NIPSNAP3B: variants seen among roughly 807,000 people sequenced by gnomAD.
NIPSNAP3B encodes the protein nipsnap homolog 3B.
A neutral mutation model predicts 31.5 loss-of-function variants in NIPSNAP3B; 30 were observed. The observed-to-expected ratio is 0.95, with a 90% confidence interval of 0.71 to 1.29. The LOEUF (loss-of-function observed/expected upper bound fraction) is 1.29. Ranked by LOEUF, NIPSNAP3B falls within the 50% of genes most tolerant of loss-of-function variation. The pLI is 0.00. For missense variants in NIPSNAP3B, 269 were observed against 300.7 expected (o/e 0.89, Z 0.78); for synonymous variants, 106 against 107.9 (o/e 0.98, Z 0.11).
the NIPSNAP3B span, chr9:104,788,029 A>G: frequency 1.2e-6 from 2 of 1,614,052 alleles, no homozygotes; most frequent in Non-Finnish European, 8.5e-7. Context: ...CACGAGGCCC[A>G]GTTTCCGAAT....
rs772256051 is a variant in NIPSNAP3B, at chr9:104,776,575, C to A, written c.*3502C>A. On this transcript the variant is annotated 3_prime_UTR_variant, in exon 6 of 6. Transcript: ENST00000374762. ...CACCAGAACTTCTTCATGCTGGCAC[C>A]CTGGTCTTAGACTTCCCAGCCACTA... Among the ~76,000 whole-genome samples the A allele has an allele frequency of 3.9e-5, 6 of 152,042 alleles. No individual in the cohort carries two copies. Among genetic ancestry groups the A allele is most frequent in the South Asian group, 4.2e-4 (2 of 4,814 alleles).
the NIPSNAP3B span, chr9:104,787,792 A>G: frequency 6.3e-7 from 1 of 1,596,820 alleles, no homozygotes; most frequent in Non-Finnish European, 8.5e-7. Flanking sequence ...TGCTTTTCCA[A>G]GGTTGCTCTG....
In NIPSNAP3B at chr9:104,776,443, T is replaced by C. The variant is rs1322984147; in HGVS notation, c.*3370T>C. ...AAGCCTTAATCTCAACATAGGAGGTTTGGCCTTTGTGAGTTAGTTTTAGAT... is the reference window on the plus strand; with the variant it reads ...AAGCCTTAATCTCAACATAGGAGGTCTGGCCTTTGTGAGTTAGTTTTAGAT... On this transcript the variant is annotated 3_prime_UTR_variant, in exon 6 of 6. Transcript: ENST00000374762. Among the ~76,000 whole-genome samples the C allele has an allele frequency of 6.6e-6, 1 of 152,176 alleles. No homozygotes were observed. Among genetic ancestry groups the C allele is most frequent in the Non-Finnish European group, 1.5e-5 (1 of 68,016 alleles).
At chr9:104,786,654 A>T in the NIPSNAP3B span, among the ~76,000 whole-genome samples, 1 of 152,226 alleles carries the variant, frequency 6.6e-6, no homozygotes, top group Non-Finnish European at 1.5e-5. Context: ...ATGACACCTA[A>T]ATGCACTGAC....
downstream of NIPSNAP3B, among the ~76,000 whole-genome samples, chr9:104,780,688 A>G (rs1828481274): frequency 6.6e-6 from 1 of 152,224 alleles, no homozygotes; most frequent in African/African-American, 2.4e-5. Context: ...CCCCTATACC[A>G]AGTGAACATT....
At chr9:104,783,206 G>C in the NIPSNAP3B span, 2 of 152,164 alleles carry the variant, frequency 1.3e-5, no homozygotes, top group Non-Finnish European at 1.5e-5. Flanking sequence ...CTATACCACA[G>C]GGTTCTACAA....
downstream of NIPSNAP3B, among the ~76,000 whole-genome samples, chr9:104,778,942 G>GCTAT (rs1281459602): frequency 6.6e-6 from 1 of 152,136 alleles, no homozygotes. Flanking sequence ...TGTGGTCCCT[G>GCTAT]CTATCTCTCC....
At chr9:104,778,963 C>T (rs1202584624), downstream of NIPSNAP3B, among the ~76,000 whole-genome samples, 1 of 152,166 alleles carries the variant, frequency 6.6e-6, no homozygotes, top group Non-Finnish European at 1.5e-5. Flanking sequence ...AGTTCCACCC[C>T]CTGCCACTCT....
the NIPSNAP3B span, chr9:104,784,596 T>C: frequency 2.9e-6 from 3 of 1,022,206 alleles, no homozygotes; most frequent in Middle Eastern, 3.1e-4. Context: ...GAAAACTGTG[T>C]GTGAAGGAGG....
At chr9:104,790,191 T>C in the NIPSNAP3B span, among the ~76,000 whole-genome samples, 3 of 151,974 alleles carry the variant, frequency 2.0e-5, no homozygotes, top group African/African-American at 4.8e-5. Context: ...TTCCCAAAGA[T>C]CAGATTGCTT....
At chr9:104,764,400 C>G (rs1382070139) in intron 1 of NIPSNAP3B, 100 bp downstream of exon 1, 1 of 1,074,042 alleles carries the variant, frequency 9.3e-7, no homozygotes, top group Non-Finnish European at 1.3e-6. Flanking sequence ...GCTCCCAGAC[C>G]TGGGGCCCCG....
In NIPSNAP3B at chr9:104,768,949, C is replaced by T. The variant is rs2118789726; in HGVS notation, c.358C>T (p.Arg120Cys). 6.2e-7 allele frequency: 1 copy of T among 1,613,818 alleles called. No individual in the cohort carries two copies. The highest frequency in any genetic ancestry group is 8.5e-7 in the Non-Finnish European group (1 of 1,179,822). Residue 120 changes from arginine to cysteine, a missense_variant, in exon 3 of 6, where the codon CGC becomes TGC. Transcript: ENST00000374762. ...QEQSIIPNLA[R>C]IDKQETEITY... Reference sequence around the variant, plus strand: ...ACAATCTATCATTCCAAATTTGGCTCGCATTGATAAACAAGAGACGGAAAT... The same window carrying T: ...ACAATCTATCATTCCAAATTTGGCTTGCATTGATAAACAAGAGACGGAAAT...
the NIPSNAP3B span, chr9:104,783,677 G>C: frequency 1.3e-5 from 2 of 153,090 alleles, no homozygotes; most frequent in African/African-American, 2.4e-5. Context: ...TTATCAGAGG[G>C]AATCAAAGCA....
At chr9:104,786,369 A>C in the NIPSNAP3B span, 3 of 1,614,146 alleles carry the variant, frequency 1.9e-6, no homozygotes, top group Admixed American at 5.0e-5. Flanking sequence ...TCCTAGTGCA[A>C]AGAGCTTCAC....
At chr9:104,790,860 T>G in the NIPSNAP3B span, 4 of 1,172,752 alleles carry the variant, frequency 3.4e-6, no homozygotes, top group Non-Finnish European at 5.1e-6. Flanking sequence ...TAACAACCTA[T>G]TTCTTTAAAT....
At position 104,774,535 on chromosome 9, in the gene NIPSNAP3B, T is replaced by C. The variant is rs1828293183; in HGVS notation, c.*1462T>C. Among the ~76,000 whole-genome samples the C allele has an allele frequency of 6.6e-6, 1 of 152,238 alleles. No individual in the cohort carries two copies. The highest frequency in any genetic ancestry group is 6.5e-5 in the Admixed American group (1 of 15,286). On this transcript the variant is annotated 3_prime_UTR_variant, in exon 6 of 6. Coordinates refer to ENST00000374762, the MANE Select transcript of NIPSNAP3B (RefSeq NM_018376.4). ...ACATTTAATATTTTGCTTCAGACTG[T>C]TATAGTACCTTAGGGTTATGAACAT...
intron 1 of NIPSNAP3B, 35 bp downstream of exon 1, chr9:104,764,335 G>A (rs1444634853): frequency 3.3e-6 from 5 of 1,493,724 alleles, no homozygotes; most frequent in East Asian, 2.5e-5. Context: ...AGCCCTGGCC[G>A]GAGGGGAGGG....
At chr9:104,772,172 A>T (rs1828234752) in intron 4 of NIPSNAP3B, among the ~76,000 whole-genome samples, 1 of 148,540 alleles carries the variant, frequency 6.7e-6, no homozygotes, top group Non-Finnish European at 1.5e-5. Context: ...CCCATTCTGG[A>T]GGTTGTCTGT....
the NIPSNAP3B span, chr9:104,788,100 T>G: frequency 8.8e-5 from 139 of 1,584,624 alleles, 1 homozygote; most frequent in Non-Finnish European, 1.2e-4. Flanking sequence ...CTTGGGAATT[T>G]TATCATGCTG....
Sources: gnomAD v4.1 joint callset for allele counts (sites outside exome capture counted in the v4.1 genomes callset) on GRCh38, gnomAD v4.1.1 for gene constraint, MANE v1.5 for transcripts, NCBI Gene and HGNC (gene_info 2026-07-23, HGNC 2026-07-21) for gene names.